Variants in ANK2 observed in about 807,000 individuals in gnomAD.
The protein encoded by ANK2 is ankyrin 2.
In ANK2, 83 loss-of-function variants were observed where a neutral mutation model predicts 360.5. The observed-to-expected ratio is 0.23, with a 90% CI of 0.19 to 0.28. ANK2 has a LOEUF of 0.28. Ranked by LOEUF, ANK2 falls within the 10% of genes least tolerant of loss-of-function variation. The pLI, the probability that ANK2 is intolerant of heterozygous loss-of-function variation, is 1.00. For synonymous variants in ANK2, 1,740 were observed against 1,759.5 expected (o/e 0.99, Z 0.28); for missense variants, 4,201 against 4,795.7 (o/e 0.88, Z 3.66).
chr4:112,832,211 C>A (rs543802719), intron 1 of ANK2, among the ~76,000 whole-genome samples: 11 of 152,320 alleles, frequency 7.2e-5, no homozygotes, highest in African/African-American at 2.2e-4. Context: ...GCCACCAACA[C>A]CAGGCTAATT....
At chr4:113,049,628 C>A, upstream of ANK2, 19 of 1,466,800 alleles carry the variant, frequency 1.3e-5, no homozygotes, top group Middle Eastern at 1.8e-4. Flanking sequence ...CCCCACCCCT[C>A]CTCCTCCTCC....
chr4:113,055,691 A>G (rs2069360788), intron 1 of ANK2, among the ~76,000 whole-genome samples: 1 of 152,176 alleles, frequency 6.6e-6, no homozygotes, highest in Non-Finnish European at 1.5e-5. Flanking sequence ...CTCATTGCAT[A>G]TTATTATCCC....
At chr4:112,875,483 CATTTATTT>C (rs71582152) in intron 1 of ANK2, among the ~76,000 whole-genome samples, 3,304 of 148,668 alleles carry the variant, frequency 0.022, 109 homozygotes, top group African/African-American at 0.071. Flanking sequence ...AGGCTAATTA[CATTTATTT>C]ATTTATTTAT....
rs757479095 is a variant in ANK2, at chr4:113,317,747, C to T, written c.2734C>T (p.His912Tyr). Residue 912 changes from histidine (H) to tyrosine (Y), a missense_variant, in exon 25 of 46, where the codon CAT becomes TAT. By Grantham distance (83) the His-to-Tyr change is moderately conservative. Around this residue, in one of 4 missense-constraint regions of ANK2, gnomAD observed 1,268 missense variants for 1,650.8 expected, o/e 0.77. Transcript: ENST00000357077. ...FSSDRSHTLS[H>Y]ASYLRDSAVM... ...TTCCGACAGGTCTCACACTCTGAGC[C>T]ATGCCTCCTACCTGAGGGACAGTGC... The T allele has an allele frequency of 1.2e-6, 2 of 1,614,142 alleles. No individual in the cohort carries two copies. The highest frequency in any genetic ancestry group is 4.5e-5 in the East Asian group (2 of 44,880).
intron 43 of ANK2, among the ~76,000 whole-genome samples, chr4:113,370,420 T>C (rs1208373882): frequency 1.3e-5 from 2 of 152,104 alleles, no homozygotes. Flanking sequence ...TCCTTTGTCA[T>C]TAAGTGAGTT....
intron 20 of ANK2, among the ~76,000 whole-genome samples, chr4:113,291,002 C>A (rs1179500633): frequency 6.6e-6 from 1 of 152,180 alleles, no homozygotes; most frequent in Non-Finnish European, 1.5e-5. Context: ...TTTGTGGCCA[C>A]AATGTCCACT....
the ANK2 span, among the ~76,000 whole-genome samples, chr4:112,715,164 A>G: frequency 1.2e-4 from 19 of 152,282 alleles, no homozygotes; most frequent in South Asian, 4.2e-4. Context: ...GAACACCTAT[A>G]TAAGTCCTCT....
intron 2 of ANK2, among the ~76,000 whole-genome samples, chr4:113,011,831 A>T (rs1254311451): frequency 1.3e-5 from 2 of 152,052 alleles, no homozygotes; most frequent in Admixed American, 6.5e-5. Flanking sequence ...GGGGTGGCAT[A>T]GTCTGCCACC....
intron 1 of ANK2, among the ~76,000 whole-genome samples, chr4:112,818,536 A>G (rs1179221420): frequency 6.6e-6 from 1 of 152,180 alleles, no homozygotes; most frequent in Non-Finnish European, 1.5e-5. Context: ...GATCTGGTTA[A>G]AGTGAATTGA....
intron 34 of ANK2, among the ~76,000 whole-genome samples, chr4:113,344,828 G>A (rs1490982203): frequency 1.3e-5 from 2 of 152,140 alleles, no homozygotes; most frequent in Non-Finnish European, 2.9e-5. Flanking sequence ...AAGAGAGAAA[G>A]CATTTGTTTT....
At position 113,359,121 on chromosome 4, in the gene ANK2, A is replaced by G. The variant is rs370472530; in HGVS notation, c.10503A>G (p.Ile3501Met). 2.4e-5 allele frequency: 39 copies of G among 1,614,048 alleles called. No individual in the cohort carries two copies. The highest frequency in any genetic ancestry group is 2.3e-4 in the Admixed American group (14 of 60,008). Residue 3501 changes from isoleucine (I) to methionine (M), a missense_variant, in exon 38 of 46, where the codon ATA becomes ATG. Physicochemically the swap from Ile to Met is conservative, Grantham distance 10. Transcript: ENST00000357077. ...RLTQSEREQEIVSDDESSSAL... is the reference protein window; with the variant it reads ...RLTQSEREQEMVSDDESSSAL... ...CACAGTCAGAGAGGGAGCAGGAAATAGTTTCAGACGATGAAAGTAGTAGTG... is the reference window on the plus strand; with the variant it reads ...CACAGTCAGAGAGGGAGCAGGAAATGGTTTCAGACGATGAAAGTAGTAGTG...
At chr4:113,127,823 T>C (rs2095757700) in intron 1 of ANK2, among the ~76,000 whole-genome samples, 1 of 152,074 alleles carries the variant, frequency 6.6e-6, no homozygotes, top group Non-Finnish European at 1.5e-5. Context: ...AGAAGACTGT[T>C]ATGGTAATCC....
At chr4:113,253,910 C>T (rs1045841132) in intron 10 of ANK2, among the ~76,000 whole-genome samples, 1 of 152,206 alleles carries the variant, frequency 6.6e-6, no homozygotes, top group African/African-American at 2.4e-5. Context: ...TCTCTCACCT[C>T]TTTGAATTCC....
At chr4:113,275,948 T>G (rs2153693199) in intron 15 of ANK2, among the ~76,000 whole-genome samples, 1 of 147,262 alleles carries the variant, frequency 6.8e-6, no homozygotes, top group African/African-American at 2.5e-5. Flanking sequence ...TTTTTTTTTT[T>G]TTTTTTTTTT....
chr4:113,048,825 G>T (rs1230502207), upstream of ANK2, among the ~76,000 whole-genome samples: 1 of 151,872 alleles, frequency 6.6e-6, no homozygotes, highest in Non-Finnish European at 1.5e-5. Context: ...ATTACTGATA[G>T]TGTCTTAGAT....
chr4:112,722,679 G>A, the ANK2 span, among the ~76,000 whole-genome samples: 2 of 152,196 alleles, frequency 1.3e-5, no homozygotes, highest in Admixed American at 6.5e-5. Context: ...AAGGTGTCAG[G>A]TGGTGGCAAA....
At chr4:113,335,019 C>T (rs1345022855) in intron 29 of ANK2, among the ~76,000 whole-genome samples, 4 of 151,882 alleles carry the variant, frequency 2.6e-5, no homozygotes, top group African/African-American at 4.8e-5. Context: ...GTTGCTGTTC[C>T]TGCCTCTATA....
chr4:112,952,617 C>T (rs1042580873), intron 2 of ANK2, among the ~76,000 whole-genome samples: 2 of 152,136 alleles, frequency 1.3e-5, no homozygotes, highest in African/African-American at 4.8e-5. Flanking sequence ...TAATCCTACT[C>T]TTCCTTAACA....
chr4:113,181,765 G>T (rs918557487), intron 2 of ANK2, among the ~76,000 whole-genome samples: 7 of 152,164 alleles, frequency 4.6e-5, no homozygotes, highest in Non-Finnish European at 1.0e-4. Context: ...GAGCATGCTG[G>T]CATGTTCAAG....
Sources: gnomAD v4.1 joint callset for allele counts (sites outside exome capture counted in the v4.1 genomes callset) on GRCh38, gnomAD v4.1.1 for gene constraint, gnomAD v4.1.1 regional missense constraint, MANE v1.5 for transcripts, NCBI Gene and HGNC (gene_info 2026-07-23, HGNC 2026-07-21) for gene names.